CCNY: variants seen among roughly 807,000 people sequenced by gnomAD.
CCNY encodes the protein cyclin Y, also known as cyclin-Y.
Under a neutral mutation model 42.8 loss-of-function variants are expected in CCNY, and 19 were observed. That is an observed-to-expected ratio of 0.44 (90% CI 0.31 to 0.65). The LOEUF (loss-of-function observed/expected upper bound fraction) is 0.65. Among genes scored for constraint, CCNY ranks in the 30% least tolerant of loss-of-function variants. CCNY has a pLI of 0.07. For missense variants in CCNY, 370 were observed against 437.3 expected (o/e 0.85, Z 1.37); for synonymous variants, 165 against 162.7 (o/e 1.01, Z -0.11).
rs559664172 is a variant in CCNY at position 35,329,191 on chromosome 10, G to C, written c.-9+78565G>C. 2.4e-4 allele frequency among the ~76,000 whole-genome samples: 37 copies of C among 152,248 alleles called. No individual in the cohort carries two copies. In the Middle Eastern group the frequency reaches 0.01, roughly 42 times the overall value. ...GTTCCTTTTTGGTCAAAATGACCTA[G>C]GAATTCCAATTCTAATGATTCCTTT... On this transcript the variant is annotated intron_variant, in intron 3 of 11. Transcript: ENST00000374706.
chr10:35,258,885 G>A (rs180948607), intron 3 of CCNY, among the ~76,000 whole-genome samples: 16 of 150,154 alleles, frequency 1.1e-4, no homozygotes, highest in African/African-American at 3.2e-4. Context: ...GCAGTGAGCC[G>A]AGATCGAGCC....
At chr10:35,419,897 TAAA>T (rs1378079541) in intron 1 of CCNY, among the ~76,000 whole-genome samples, 1 of 151,748 alleles carries the variant, frequency 6.6e-6, no homozygotes, top group African/African-American at 2.4e-5. Flanking sequence ...ACTTTATAAT[TAAA>T]AGAAGAAATA....
chr10:35,376,298 A>G (rs563632956), intron 1 of CCNY, among the ~76,000 whole-genome samples: 1 of 152,370 alleles, frequency 6.6e-6, no homozygotes, highest in African/African-American at 2.4e-5. Flanking sequence ...ATGACGCAGC[A>G]GTGCCACTCT....
At chr10:35,395,597 G>C (rs1467300838) in intron 1 of CCNY, among the ~76,000 whole-genome samples, 1 of 152,114 alleles carries the variant, frequency 6.6e-6, no homozygotes, top group South Asian at 2.1e-4. Flanking sequence ...ATGTTGAGGA[G>C]GGGGGCAATT....
chr10:35,467,581 T>G (rs1470989379), intron 1 of CCNY, among the ~76,000 whole-genome samples: 1 of 152,250 alleles, frequency 6.6e-6, no homozygotes, highest in Non-Finnish European at 1.5e-5. Flanking sequence ...ATTTTCTGTG[T>G]AGAGGATTAT....
At chr10:35,566,219 G>T (rs200305911) in intron 9 of CCNY, 34 bp downstream of exon 9, 1 of 1,596,860 alleles carries the variant, frequency 6.3e-7, no homozygotes, top group African/African-American at 1.3e-5. Flanking sequence ...TTGTGGTGCA[G>T]TGTTGCCAAT....
chr10:35,440,561 G>GCA (rs1838644192), intron 1 of CCNY, among the ~76,000 whole-genome samples: 1 of 152,140 alleles, frequency 6.6e-6, no homozygotes, highest in South Asian at 2.1e-4. Flanking sequence ...CTGACTCTTT[G>GCA]CTAGATGTCT....
intron 1 of CCNY, among the ~76,000 whole-genome samples, chr10:35,424,788 G>C (rs1838231449): frequency 6.6e-6 from 1 of 152,176 alleles, no homozygotes. Context: ...CAAAATCGAT[G>C]CTTTAAAACT....
intron 7 of CCNY, among the ~76,000 whole-genome samples, chr10:35,550,685 T>G (rs977084200): frequency 1.3e-5 from 2 of 152,182 alleles, no homozygotes; most frequent in Non-Finnish European, 2.9e-5. Flanking sequence ...AAGCCTAGTT[T>G]AGGCACTTGC....
chr10:35,569,361 C>G lies in CCNY; in HGVS notation c.*191C>G. The G allele has an allele frequency of 1.7e-6, 1 of 585,066 alleles. No individual in the cohort carries two copies. The highest frequency in any genetic ancestry group is 3.1e-6 in the Non-Finnish European group (1 of 327,284). The allele number at this position is 585,066 out of a possible 1,614,324, so 36.2% of individuals were successfully genotyped here. A position where few individuals can be genotyped will look rare whatever the true frequency, so the allele number is the denominator to read the frequency against. On this transcript the variant is annotated 3_prime_UTR_variant, in exon 10 of 10. Transcript: ENST00000374704. ...AGCGTCAGTGCCCTGGAGATCCCAGCTCGCTCTCCCCACTGTCAGCAACAG... is the reference window on the plus strand; with the variant it reads ...AGCGTCAGTGCCCTGGAGATCCCAGGTCGCTCTCCCCACTGTCAGCAACAG...
intron 1 of CCNY, among the ~76,000 whole-genome samples, chr10:35,247,898 AAAAGAAAG>A (rs779778751): frequency 6.6e-6 from 1 of 150,838 alleles, no homozygotes; most frequent in Non-Finnish European, 1.5e-5. Context: ...AAAAGAAAAG[AAAAGAAAG>A]AAAGAAAGAA....
chr10:35,311,487 G>T lies in CCNY; in HGVS notation c.-9+60861G>T, dbSNP rs1427298895. ...AGCCCAGGAGTTCAATACCAGTGTG[G>T]GCAAAATGGCCAGACCCTGTCTCTC... is the stretch of plus-strand genomic sequence containing the variant. On this transcript the variant is annotated intron_variant, in intron 3 of 11. Coordinates refer to the CCNY transcript ENST00000374706. 3.3e-5 allele frequency among the ~76,000 whole-genome samples: 5 copies of T among 152,174 alleles called. 1 individual carries two copies. In the South Asian group the frequency reaches 1.0e-3, roughly 32 times the overall value.
intron 1 of CCNY, among the ~76,000 whole-genome samples, chr10:35,421,893 G>A (rs1423543294): frequency 6.6e-6 from 1 of 152,070 alleles, no homozygotes; most frequent in Non-Finnish European, 1.5e-5. Context: ...TCTCAGTGTT[G>A]GGTGAATTTT....
At chr10:35,271,019 T>C (rs1835161706) in intron 3 of CCNY, among the ~76,000 whole-genome samples, 1 of 152,096 alleles carries the variant, frequency 6.6e-6, no homozygotes, top group Non-Finnish European at 1.5e-5. Flanking sequence ...GCCACCAAGC[T>C]TGGCCTTGGT....
intron 3 of CCNY, among the ~76,000 whole-genome samples, chr10:35,322,829 A>G (rs1835836021): frequency 6.6e-6 from 1 of 152,252 alleles, no homozygotes; most frequent in African/African-American, 2.4e-5. Context: ...AAAAAGACTG[A>G]TAATAGCAAG....
At chr10:35,535,137 A>G (rs548151376) in intron 7 of CCNY, among the ~76,000 whole-genome samples, 1 of 151,806 alleles carries the variant, frequency 6.6e-6, no homozygotes, top group East Asian at 1.9e-4. Flanking sequence ...ATGTATTTGG[A>G]AGAAGGGGTC....
intron 1 of CCNY, among the ~76,000 whole-genome samples, chr10:35,474,095 A>G (rs191548367): frequency 0.012 from 1,802 of 152,322 alleles, 21 homozygotes; most frequent in Middle Eastern, 0.024. Flanking sequence ...CAACGGGCTT[A>G]AAAAACGGCG....
chr10:35,507,104 T>G (rs1564438930), intron 3 of CCNY, among the ~76,000 whole-genome samples: 1 of 152,180 alleles, frequency 6.6e-6, no homozygotes, highest in Non-Finnish European at 1.5e-5. Context: ...TCCATCACCT[T>G]GCTCAGGGAC....
At chr10:35,392,740 A>G (rs1419112425) in intron 1 of CCNY, among the ~76,000 whole-genome samples, 1 of 152,120 alleles carries the variant, frequency 6.6e-6, no homozygotes, top group Non-Finnish European at 1.5e-5. Context: ...GGGAGTGGAG[A>G]AGTGACATGA....
Sources: gnomAD v4.1 joint callset for allele counts (sites outside exome capture counted in the v4.1 genomes callset) on GRCh38, gnomAD v4.1.1 for gene constraint, MANE v1.5 for transcripts, NCBI Gene and HGNC (gene_info 2026-07-23, HGNC 2026-07-21) for gene names.